The following NRXN3 variants were observed in gnomAD, a reference collection of about 807,000 sequenced individuals.
NRXN3 encodes the protein neurexin 3.
NRXN3 carries 32 observed loss-of-function variants against 137.6 expected under a neutral mutation model. That is an observed-to-expected ratio of 0.23 (90% CI 0.18 to 0.31). The LOEUF (loss-of-function observed/expected upper bound fraction) is 0.31, where lower values mean the gene tolerates loss of function less well. NRXN3 is among the 10% of genes least tolerant of loss of function. The pLI is 1.00. For synonymous variants in NRXN3, 798 were observed against 784.5 expected (o/e 1.02, Z -0.29); for missense variants, 1,574 against 2,062.5 (o/e 0.76, Z 4.59).
chr14:78,289,672 T>A (rs1267519771), intron 3 of NRXN3, among the ~76,000 whole-genome samples: 1 of 152,092 alleles, frequency 6.6e-6, no homozygotes, highest in Non-Finnish European at 1.5e-5. Flanking sequence ...TCCCAGCACT[T>A]TGGGAGGCCG....
intron 16 of NRXN3, among the ~76,000 whole-genome samples, chr14:79,541,411 A>T (rs1469412183): frequency 6.6e-6 from 1 of 152,220 alleles, no homozygotes; most frequent in Non-Finnish European, 1.5e-5. Flanking sequence ...CTCAAAAAAA[A>T]AGATACTTGC....
At chr14:78,490,004 T>C (rs552211015) in intron 4 of NRXN3, among the ~76,000 whole-genome samples, 1 of 151,614 alleles carries the variant, frequency 6.6e-6, no homozygotes, top group Non-Finnish European at 1.5e-5. Context: ...AACCTCTGCC[T>C]CCTGGGTTCA....
intron 16 of NRXN3, among the ~76,000 whole-genome samples, chr14:79,533,388 C>T (rs1220793027): frequency 6.6e-6 from 1 of 152,064 alleles, no homozygotes; most frequent in Non-Finnish European, 1.5e-5. Flanking sequence ...CATCTTCTAC[C>T]CCAGTGCCAA....
At chr14:78,445,536 G>A (rs779654390) in intron 4 of NRXN3, among the ~76,000 whole-genome samples, 1 of 152,152 alleles carries the variant, frequency 6.6e-6, no homozygotes, top group Non-Finnish European at 1.5e-5. Flanking sequence ...GGAGAAATGA[G>A]TGTGGGCATT....
chr14:78,852,324 G>A (rs1187997067), intron 10 of NRXN3, among the ~76,000 whole-genome samples: 1 of 152,104 alleles, frequency 6.6e-6, no homozygotes, highest in East Asian at 1.9e-4. Context: ...TATTCTTGTT[G>A]CTGCTGTTGT....
At chr14:78,540,435 CTTTTT>C (rs537566835) in intron 4 of NRXN3, among the ~76,000 whole-genome samples, 1 of 116,606 alleles carries the variant, frequency 8.6e-6, no homozygotes, top group Admixed American at 9.4e-5. Flanking sequence ...GCAACCCCTG[CTTTTT>C]TTTTTTTTTT....
intron 19 of NRXN3, among the ~76,000 whole-genome samples, chr14:79,766,638 A>G (rs1391324902): frequency 4.6e-5 from 7 of 152,202 alleles, no homozygotes; most frequent in African/African-American, 1.7e-4. Context: ...TAATCTCACA[A>G]AGATCTTCTT....
chr14:79,229,399 C>T (rs370978651), intron 15 of NRXN3, among the ~76,000 whole-genome samples: 4 of 152,248 alleles, frequency 2.6e-5, no homozygotes, highest in East Asian at 3.9e-4. Context: ...CACACAGCCC[C>T]GGGAAACTTC....
intron 15 of NRXN3, among the ~76,000 whole-genome samples, chr14:79,165,853 C>T (rs1220844300): frequency 1.3e-5 from 2 of 151,988 alleles, no homozygotes; most frequent in African/African-American, 4.8e-5. Context: ...AATCTTGCAT[C>T]TTCTATTACC....
At chr14:79,296,501 G>A (rs1219082727) in intron 15 of NRXN3, among the ~76,000 whole-genome samples, 1 of 151,772 alleles carries the variant, frequency 6.6e-6, no homozygotes, top group Non-Finnish European at 1.5e-5. Context: ...GCTGAGTTAT[G>A]GGCTTGTAGA....
chr14:78,463,779 AT>A (rs71452897), intron 4 of NRXN3, among the ~76,000 whole-genome samples: 1 of 147,440 alleles, frequency 6.8e-6, no homozygotes, highest in Non-Finnish European at 1.5e-5. Flanking sequence ...TGTTGTTGGG[AT>A]TTTTTTTAGA....
chr14:79,621,995 T>C (rs2098229397), intron 16 of NRXN3, among the ~76,000 whole-genome samples: 2 of 152,200 alleles, frequency 1.3e-5, no homozygotes, highest in Admixed American at 1.3e-4. Flanking sequence ...ATCTGCGTTC[T>C]GTCAACAACT....
At chr14:78,862,457 G>A (rs2099075112) in intron 10 of NRXN3, among the ~76,000 whole-genome samples, 1 of 151,982 alleles carries the variant, frequency 6.6e-6, no homozygotes, top group Admixed American at 6.6e-5. Flanking sequence ...GTACCAGCAG[G>A]ATATCCCTAT....
chr14:78,722,338 C>T (rs989880878), intron 8 of NRXN3, among the ~76,000 whole-genome samples: 1 of 152,154 alleles, frequency 6.6e-6, no homozygotes, highest in Non-Finnish European at 1.5e-5. Flanking sequence ...TACATTGCCA[C>T]TGTGTATCTT....
intron 15 of NRXN3, among the ~76,000 whole-genome samples, chr14:79,101,017 T>G (rs1024780980): frequency 6.6e-6 from 1 of 152,226 alleles, no homozygotes; most frequent in Non-Finnish European, 1.5e-5. Context: ...TACTTTGTTT[T>G]TTTCCTAAGG....
At chr14:79,190,492 GT>G (rs559402938) in intron 15 of NRXN3, among the ~76,000 whole-genome samples, 136 of 152,252 alleles carry the variant, frequency 8.9e-4, no homozygotes, top group Non-Finnish European at 1.6e-3. Flanking sequence ...ACACGTAGTG[GT>G]TGCTATTTTC....
chr14:78,613,530 G>C (rs1360147503), intron 4 of NRXN3, among the ~76,000 whole-genome samples: 1 of 151,444 alleles, frequency 6.6e-6, no homozygotes, highest in African/African-American at 2.4e-5. Flanking sequence ...CAGAGAAAAG[G>C]GGGCACAGAG....
At chr14:79,108,737 A>G (rs893153359) in intron 15 of NRXN3, among the ~76,000 whole-genome samples, 24 of 152,276 alleles carry the variant, frequency 1.6e-4, no homozygotes, top group African/African-American at 5.3e-4. Context: ...ATAACAATAC[A>G]TACATACTCA....
At chr14:78,273,268 C>CCTAA (rs1471856400) in intron 2 of NRXN3, among the ~76,000 whole-genome samples, 1 of 152,206 alleles carries the variant, frequency 6.6e-6, no homozygotes, top group Admixed American at 6.5e-5. Context: ...TGGCCAGTTA[C>CCTAA]CTAAGCTTTC....
Sources: gnomAD v4.1 joint callset for allele counts (sites outside exome capture counted in the v4.1 genomes callset) on GRCh38, gnomAD v4.1.1 for gene constraint, MANE v1.5 for transcripts, NCBI Gene and HGNC (gene_info 2026-07-23, HGNC 2026-07-21) for gene names.